ADGRL2: variants seen among roughly 807,000 people sequenced by gnomAD.
The protein encoded by ADGRL2 is adhesion G protein-coupled receptor L2.
ADGRL2 carries 44 observed loss-of-function variants against 157.4 expected under a neutral mutation model. The observed-to-expected ratio is 0.28, with a 90% CI of 0.22 to 0.36. The LOEUF (loss-of-function observed/expected upper bound fraction) is 0.36. Ranked by LOEUF, ADGRL2 falls within the 10% of genes least tolerant of loss-of-function variation. The pLI, the probability that ADGRL2 is intolerant of heterozygous loss-of-function variation, is 1.00. For synonymous variants in ADGRL2, 585 were observed against 624.7 expected (o/e 0.94, Z 0.95); for missense variants, 1,510 against 1,768.9 (o/e 0.85, Z 2.63).
chr1:81,487,479 T>C (rs1489091104), intron 2 of ADGRL2, among the ~76,000 whole-genome samples: 7 of 152,092 alleles, frequency 4.6e-5, no homozygotes, highest in African/African-American at 1.7e-4. Context: ...ACCACGTCTC[T>C]ACTAAAAATA....
chr1:81,310,086 A>C (rs1367371020), intron 1 of ADGRL2, among the ~76,000 whole-genome samples: 1 of 152,082 alleles, frequency 6.6e-6, no homozygotes. Context: ...CTGAATGAAA[A>C]TTTCCCCAGC....
Position 81,888,595 on chromosome 1 carries a change from C to T in ADGRL2, c.74-18422C>T, listed in dbSNP as rs557740638. Among the ~76,000 whole-genome samples the T allele has an allele frequency of 4.3e-3, 654 of 152,186 alleles. 4 individuals carry two copies. The highest frequency in any genetic ancestry group is 0.015 in the African/African-American group (624 of 41,534). ...CTAGGACTACAGGCGCCCGCCACCG[C>T]GCCCGGCTAATTTTGTTTTTGTATT... On this transcript the variant is annotated intron_variant, in intron 2 of 23. Transcript: ENST00000686636.
chr1:81,333,048 G>C (rs1449401417), intron 1 of ADGRL2, among the ~76,000 whole-genome samples: 1 of 152,106 alleles, frequency 6.6e-6, no homozygotes, highest in African/African-American at 2.4e-5. Flanking sequence ...ATAACTTTGG[G>C]CAAATCATGA....
chr1:81,970,806 G>A (rs1241036343), intron 16 of ADGRL2, among the ~76,000 whole-genome samples: 2 of 152,004 alleles, frequency 1.3e-5, no homozygotes, highest in African/African-American at 4.8e-5. Flanking sequence ...ATAACTTTTT[G>A]GCCTTAGAAA....
chr1:81,670,642 G>A (rs1356617255), intron 3 of ADGRL2, among the ~76,000 whole-genome samples: 1 of 152,216 alleles, frequency 6.6e-6, no homozygotes. Context: ...AGTAAGGAGA[G>A]GGAGAAGGAA....
intron 19 of ADGRL2, among the ~76,000 whole-genome samples, chr1:81,983,848 A>C (rs952775402): frequency 2.6e-5 from 4 of 152,084 alleles, no homozygotes; most frequent in South Asian, 4.1e-4. Flanking sequence ...GCATTCATAT[A>C]TTCAAGCTTC....
intron 2 of ADGRL2, among the ~76,000 whole-genome samples, chr1:81,449,988 T>C (rs777142449): frequency 3.3e-5 from 5 of 152,330 alleles, no homozygotes; most frequent in Non-Finnish European, 7.3e-5. Context: ...CTGAGGCTTA[T>C]CAAGCACGAG....
chr1:81,950,409 C>T lies in ADGRL2; in HGVS notation c.1431C>T (p.Asp477=). 6.2e-7 allele frequency: 1 copy of T among 1,614,004 alleles called. No homozygotes were observed. Among genetic ancestry groups the T allele is most frequent in the Non-Finnish European group, 8.5e-7 (1 of 1,179,926 alleles). The part of the protein sequence containing the change: ...PLPERFCEAL[D]SKGIKWPQTQ... Reference sequence around the variant, plus strand: ...CAGAGAGATTCTGTGAAGCATTAGACTCCAAGGGGATAAAGTGGCCTCAGA... The same window carrying T: ...CAGAGAGATTCTGTGAAGCATTAGATTCCAAGGGGATAAAGTGGCCTCAGA... The change falls in exon 7 of 24, where the codon GAC becomes GAT. Residue 477 remains aspartate, a synonymous_variant. Coordinates refer to ENST00000686636, the MANE Select transcript of ADGRL2 (RefSeq NM_001366006.2).
intron 2 of ADGRL2, among the ~76,000 whole-genome samples, chr1:81,521,354 A>T (rs2079310074): frequency 6.6e-6 from 1 of 152,208 alleles, no homozygotes; most frequent in Admixed American, 6.5e-5. Context: ...TAATATGTTA[A>T]ACAGGATAAA....
At chr1:81,942,836 T>C in intron 5 of ADGRL2, 133 bp from the exon 6 acceptor site, 1 of 727,924 alleles carries the variant, frequency 1.4e-6, no homozygotes. Flanking sequence ...AGTATTTGTA[T>C]GAAGTATACA....
intron 2 of ADGRL2, among the ~76,000 whole-genome samples, chr1:81,528,646 C>CAAAAAAAAAAA (rs59842382): frequency 2.4e-4 from 28 of 114,644 alleles, no homozygotes; most frequent in African/African-American, 4.2e-4. Flanking sequence ...GACTCCATCT[C>CAAAAAAAAAAA]AAAAAAAAAA....
At chr1:81,459,788 GTATATA>G (rs141585595) in intron 2 of ADGRL2, among the ~76,000 whole-genome samples, 72 of 148,218 alleles carry the variant, frequency 4.9e-4, no homozygotes, top group Middle Eastern at 3.5e-3. Context: ...ATGTGTGTGT[GTATATA>G]TATATATGTA....
At chr1:81,708,657 C>CAT (rs1557584486) in intron 1 of ADGRL2, among the ~76,000 whole-genome samples, 7 of 140,336 alleles carry the variant, frequency 5.0e-5, no homozygotes, top group African/African-American at 1.9e-4. Flanking sequence ...TATATATATA[C>CAT]ACACACACAT....
At chr1:81,438,940 CT>C (rs938828278) in intron 1 of ADGRL2, among the ~76,000 whole-genome samples, 2 of 152,088 alleles carry the variant, frequency 1.3e-5, no homozygotes, top group Admixed American at 6.6e-5. Flanking sequence ...GAGTGCTCTT[CT>C]TTTTCCTCTT....
intron 1 of ADGRL2, among the ~76,000 whole-genome samples, chr1:81,433,865 C>A (rs78523933): frequency 1.4e-3 from 220 of 152,272 alleles, no homozygotes; most frequent in African/African-American, 5.0e-3. Context: ...GTAAAGGCTT[C>A]AGGGGACTGG....
chr1:81,634,273 T>C (rs2082071710), intron 3 of ADGRL2, among the ~76,000 whole-genome samples: 1 of 152,200 alleles, frequency 6.6e-6, no homozygotes, highest in Non-Finnish European at 1.5e-5. Flanking sequence ...TCTATCTTGC[T>C]CACTCTCATT....
chr1:81,857,725 T>C (rs2093251198), intron 2 of ADGRL2, among the ~76,000 whole-genome samples: 1 of 152,190 alleles, frequency 6.6e-6, no homozygotes, highest in African/African-American at 2.4e-5. Flanking sequence ...ATATAACACT[T>C]CTTATTTTAA....
intron 1 of ADGRL2, among the ~76,000 whole-genome samples, chr1:81,374,760 C>A (rs965216632): frequency 6.6e-6 from 1 of 152,114 alleles, no homozygotes; most frequent in African/African-American, 2.4e-5. Context: ...GCTCACATAT[C>A]CCTCGGAACA....
At chr1:81,938,755 T>C (rs2095346072) in intron 4 of ADGRL2, among the ~76,000 whole-genome samples, 1 of 151,480 alleles carries the variant, frequency 6.6e-6, no homozygotes, top group African/African-American at 2.4e-5. Context: ...TTTCAACTAA[T>C]ATTAAAATAC....
Sources: gnomAD v4.1 joint callset for allele counts (sites outside exome capture counted in the v4.1 genomes callset) on GRCh38, gnomAD v4.1.1 for gene constraint, MANE v1.5 for transcripts, NCBI Gene and HGNC (gene_info 2026-07-23, HGNC 2026-07-21) for gene names.